The following ZMIZ1 variants were observed in gnomAD, a reference collection of about 807,000 sequenced individuals.
The protein encoded by ZMIZ1 is zinc finger MIZ-type containing 1.
In ZMIZ1, 17 loss-of-function variants were observed where a neutral mutation model predicts 113.9. The ratio of observed to expected loss-of-function variants is 0.15; its 90% CI spans 0.10 to 0.22. The LOEUF is 0.22. Among genes scored for constraint, ZMIZ1 ranks in the 10% least tolerant of loss-of-function variants. ZMIZ1 has a pLI of 1.00. For missense variants in ZMIZ1, 1,059 were observed against 1,477.8 expected (o/e 0.72, Z 4.65); for synonymous variants, 607 against 603.1 (o/e 1.01, Z -0.09).
intron 3 of ZMIZ1, among the ~76,000 whole-genome samples, chr10:79,145,432 A>G (rs1845441005): frequency 6.6e-6 from 1 of 152,172 alleles, no homozygotes; most frequent in Non-Finnish European, 1.5e-5. Flanking sequence ...TTGGTGAAGA[A>G]CACAGAGTCT....
intron 12 of ZMIZ1, chr10:79,294,220 C>G (rs1233929484): frequency 6.1e-6 from 1 of 163,412 alleles, no homozygotes; most frequent in Admixed American, 5.7e-5. Flanking sequence ...GGGGAAGTGA[C>G]TGGAAGGCCG....
chr10:79,174,543 G>C (rs79106235), intron 4 of ZMIZ1, among the ~76,000 whole-genome samples: 34 of 152,310 alleles, frequency 2.2e-4, no homozygotes, highest in African/African-American at 8.2e-4. Flanking sequence ...AGAGGACAGA[G>C]ACCAAACACT....
chr10:79,274,449 C>T (rs888083860), intron 7 of ZMIZ1, among the ~76,000 whole-genome samples: 1 of 152,248 alleles, frequency 6.6e-6, no homozygotes, highest in Non-Finnish European at 1.5e-5. Flanking sequence ...TAATCCCCTG[C>T]CTGCCTCTGT....
At chr10:79,287,986 C>T (rs1006030029) in intron 8 of ZMIZ1, among the ~76,000 whole-genome samples, 5 of 152,148 alleles carry the variant, frequency 3.3e-5, no homozygotes, top group African/African-American at 1.2e-4. Context: ...GTAGGAGCTG[C>T]TTTTTTATAC....
At chr10:79,079,612 C>T (rs536594887) in intron 1 of ZMIZ1, among the ~76,000 whole-genome samples, 1 of 151,994 alleles carries the variant, frequency 6.6e-6, no homozygotes, top group East Asian at 2.0e-4. Flanking sequence ...GCGACTTGAC[C>T]AAGGCCACAG....
intron 1 of ZMIZ1, among the ~76,000 whole-genome samples, chr10:79,107,573 G>A (rs943524740): frequency 7.9e-5 from 12 of 152,212 alleles, no homozygotes; most frequent in African/African-American, 2.4e-4. Context: ...AAGTGGATGG[G>A]TGAGGTCAGA....
chr10:79,302,308 G>A, intron 18 of ZMIZ1, 96 bp downstream of exon 18: 1 of 1,278,822 alleles, frequency 7.8e-7, no homozygotes, highest in South Asian at 1.2e-5. Flanking sequence ...ACTGACCTTT[G>A]CCTCCGTGCA....
chr10:79,225,038 T>C (rs1339916869), intron 7 of ZMIZ1, among the ~76,000 whole-genome samples: 1 of 152,062 alleles, frequency 6.6e-6, no homozygotes, highest in African/African-American at 2.4e-5. Context: ...CTCTCCACCA[T>C]TATTGGGCAA....
intron 7 of ZMIZ1, among the ~76,000 whole-genome samples, chr10:79,258,411 G>T (rs1035322870): frequency 5.3e-5 from 8 of 152,092 alleles, no homozygotes; most frequent in African/African-American, 1.9e-4. Flanking sequence ...AGAAGAAGAA[G>T]AAAAGAAAAT....
intron 1 of ZMIZ1, among the ~76,000 whole-genome samples, chr10:79,097,112 C>G (rs1465124030): frequency 6.6e-6 from 1 of 152,208 alleles, no homozygotes; most frequent in Non-Finnish European, 1.5e-5. Flanking sequence ...CCCCGGGTCG[C>G]CAGCAGTGCT....
chr10:79,107,017 GCACT>G (rs1281062552), intron 1 of ZMIZ1, among the ~76,000 whole-genome samples: 1 of 152,244 alleles, frequency 6.6e-6, no homozygotes, highest in Non-Finnish European at 1.5e-5. Flanking sequence ...CATTTTCAGA[GCACT>G]CACTCTTCCA....
chr10:79,162,240 G>A (rs1846140827), intron 4 of ZMIZ1, 107 bp downstream of exon 4: 1 of 397,516 alleles, frequency 2.5e-6, no homozygotes, highest in African/African-American at 2.1e-5. Flanking sequence ...TCGGGCCTCA[G>A]CCCTGAGGGG....
chr10:79,128,596 G>A (rs1844619987), intron 2 of ZMIZ1, among the ~76,000 whole-genome samples: 1 of 107,718 alleles, frequency 9.3e-6, no homozygotes, highest in Non-Finnish European at 1.9e-5. Context: ...CTCTTGCTGT[G>A]TAAATAGACC....
chr10:79,149,604 G>T lies in ZMIZ1; in HGVS notation c.-131+9827G>T, dbSNP rs545443096. 2.7e-3 allele frequency among the ~76,000 whole-genome samples: 418 copies of T among 152,342 alleles called. 2 individuals carry two copies. The highest frequency in any genetic ancestry group is 4.0e-3 in the Non-Finnish European group (273 of 68,028). ...AGGGGTTCAGGCATGCCAAGTCAGG[G>T]TGGGGTGAAGGGGTCTTTCTCTAGG... On this transcript the variant is annotated intron_variant, in intron 3 of 24. Transcript: ENST00000334512.
At chr10:79,284,122 T>G (rs1852910070) in intron 8 of ZMIZ1, among the ~76,000 whole-genome samples, 1 of 152,194 alleles carries the variant, frequency 6.6e-6, no homozygotes, top group African/African-American at 2.4e-5. Context: ...CCATAGCGGG[T>G]GCACAGGAGC....
At chr10:79,085,288 GC>G (rs75657830) in intron 1 of ZMIZ1, among the ~76,000 whole-genome samples, 19,607 of 152,188 alleles carry the variant, frequency 0.13, 1,395 homozygotes, top group East Asian at 0.2. Context: ...GGTTCTGGGG[GC>G]TCAGCACCAG....
At chr10:79,107,400 A>G (rs886828768) in intron 1 of ZMIZ1, among the ~76,000 whole-genome samples, 1 of 152,218 alleles carries the variant, frequency 6.6e-6, no homozygotes, top group Admixed American at 6.5e-5. Flanking sequence ...TGTAGACACC[A>G]CACGGGGCTC....
chr10:79,133,301 C>T (rs567834410), intron 2 of ZMIZ1, among the ~76,000 whole-genome samples: 1 of 152,200 alleles, frequency 6.6e-6, no homozygotes, highest in Admixed American at 6.5e-5. Context: ...GGGTTCCTGC[C>T]TCTGTACTCT....
chr10:79,075,574 CA>C (rs1346869579), intron 1 of ZMIZ1, among the ~76,000 whole-genome samples: 1 of 143,004 alleles, frequency 7.0e-6, no homozygotes, highest in Non-Finnish European at 1.5e-5. Context: ...CACATGCACA[CA>C]CATGCACACA....
Sources: allele counts gnomAD v4.1 joint callset (sites outside exome capture counted in the v4.1 genomes callset), GRCh38; gene constraint gnomAD v4.1.1; transcripts MANE v1.5; gene names NCBI Gene and HGNC (gene_info 2026-07-23, HGNC 2026-07-21).